Variants in M1AP observed in about 807,000 individuals in gnomAD.
M1AP encodes the protein meiosis 1 associated protein, also known as meiosis 1 arrest protein.
A neutral mutation model predicts 51.2 loss-of-function variants in M1AP; 39 were observed. That is an observed-to-expected ratio of 0.76 (90% CI 0.59 to 1.00). The LOEUF is 1.00. Ranked by LOEUF, M1AP falls within the 50% of genes least tolerant of loss-of-function variation. M1AP has a pLI of 0.00. For missense variants in M1AP, 545 were observed against 641.2 expected, an observed-to-expected ratio of 0.85 and a Z score of 1.62; for synonymous variants, 251 against 249.2, an observed-to-expected ratio of 1.01 and a Z score of -0.07.
chr2:74,559,550 C>T lies in M1AP; in HGVS notation c.1434+148G>A, dbSNP rs983289389. The T allele has an allele frequency of 6.7e-5, 41 of 612,926 alleles. 1 individual carries two copies. The highest frequency in any genetic ancestry group is 1.0e-4 in the Non-Finnish European group (34 of 334,284). The allele number at this position is 612,926 out of a possible 1,614,324, so 38.0% of individuals were successfully genotyped here. On this transcript the variant is annotated intron_variant, in intron 10 of 10. Coordinates refer to ENST00000421985, the MANE Select transcript of M1AP (RefSeq NM_001321739.2). ...GGAAGCCCAAATATTATATAGAACA[C>T]GGGTTTCATAAAAATATTTCTCTAT...
chr2:74,568,534 C>A (rs1436282521), intron 7 of M1AP, among the ~76,000 whole-genome samples: 3 of 152,164 alleles, frequency 2.0e-5, no homozygotes, highest in Non-Finnish European at 4.4e-5. Context: ...AGACTTCCAC[C>A]TGTGGAGGCA....
intron 5 of M1AP, among the ~76,000 whole-genome samples, chr2:74,577,705 C>T (rs1679160208): frequency 6.6e-6 from 1 of 152,212 alleles, no homozygotes; most frequent in South Asian, 2.1e-4. Flanking sequence ...CTCAGCCTGA[C>T]ATGTCCCAGA....
intron 2 of M1AP, among the ~76,000 whole-genome samples, chr2:74,616,099 C>T (rs1681651914): frequency 6.6e-6 from 1 of 152,084 alleles, no homozygotes; most frequent in African/African-American, 2.4e-5. Flanking sequence ...CAAGGAATTG[C>T]ATATAATTCT....
chr2:74,574,434 G>C (rs946343569), intron 7 of M1AP, among the ~76,000 whole-genome samples: 3 of 152,102 alleles, frequency 2.0e-5, no homozygotes, highest in African/African-American at 7.2e-5. Flanking sequence ...GCCAAGAAGC[G>C]ATTCTAAAAT....
intron 2 of M1AP, among the ~76,000 whole-genome samples, chr2:74,625,821 C>A (rs551159748): frequency 1.3e-5 from 2 of 152,340 alleles, no homozygotes; most frequent in East Asian, 1.9e-4. Context: ...ATGATTCAGG[C>A]CTCCTGCCTG....
intron 7 of M1AP, 117 bp from the exon 8 acceptor site, chr2:74,562,540 T>A: frequency 9.3e-7 from 1 of 1,076,602 alleles, no homozygotes; most frequent in Non-Finnish European, 1.3e-6. Context: ...CAGAGCCATT[T>A]AACTTCGGCC....
Position 74,558,818 on chromosome 2 carries a change from A to G in M1AP, c.1491T>C (p.Thr497=). 2 of 1,609,094 alleles carry G rather than the reference A, an allele frequency of 1.2e-6. No individual in the cohort carries two copies. Among genetic ancestry groups the G allele is most frequent in the Non-Finnish European group, 1.7e-6 (2 of 1,178,038 alleles). The change falls in exon 11 of 11, where the codon ACT becomes ACC. Residue 497 remains threonine (T), a synonymous_variant. Transcript: ENST00000421985. The part of the protein sequence containing the change: ...ARATVAPLPM[T]PVPGRASKMP... ...TCTTGGAGGCTCTGCCTGGGACAGGAGTCATAGGCAGGGGGGCCACAGTAG... is the reference window on the plus strand; with the variant it reads ...TCTTGGAGGCTCTGCCTGGGACAGGGGTCATAGGCAGGGGGGCCACAGTAG...
chr2:74,590,880 G>T (rs978879741), intron 4 of M1AP, among the ~76,000 whole-genome samples: 3 of 152,120 alleles, frequency 2.0e-5, no homozygotes, highest in African/African-American at 7.2e-5. Flanking sequence ...CAGCACTAGC[G>T]CAGTGTTTAC....
chr2:74,647,822 A>G (rs1683695915), intron 1 of M1AP, among the ~76,000 whole-genome samples: 1 of 152,166 alleles, frequency 6.6e-6, no homozygotes, highest in South Asian at 2.1e-4. Context: ...TGAACCCGGG[A>G]GGCGGAGGTT....
At chr2:74,638,199 C>G (rs1168895289) in intron 2 of M1AP, among the ~76,000 whole-genome samples, 1 of 151,984 alleles carries the variant, frequency 6.6e-6, no homozygotes, top group Non-Finnish European at 1.5e-5. Context: ...GGATTACAGG[C>G]AGCCGCCATC....
chr2:74,561,962 C>T (rs1678046280), intron 8 of M1AP: 1 of 985,262 alleles, frequency 1.0e-6, no homozygotes, highest in East Asian at 1.1e-4. Context: ...TGCCAATATC[C>T]CTTTTCTCTC....
chr2:74,606,468 C>T (rs188411459), intron 4 of M1AP, among the ~76,000 whole-genome samples: 4 of 152,272 alleles, frequency 2.6e-5, no homozygotes, highest in Admixed American at 2.0e-4. Flanking sequence ...AAAAACGAGT[C>T]TGATCTATAA....
intron 4 of M1AP, among the ~76,000 whole-genome samples, chr2:74,596,939 C>A (rs1170321299): frequency 6.6e-6 from 1 of 152,100 alleles, no homozygotes; most frequent in Non-Finnish European, 1.5e-5. Context: ...GTTAAGTGGT[C>A]TTACCTGGGG....
chr2:74,566,649 C>G (rs188177611), intron 7 of M1AP, among the ~76,000 whole-genome samples: 3 of 145,428 alleles, frequency 2.1e-5, no homozygotes, highest in South Asian at 2.4e-4. Context: ...CTATCCCCCC[C>G]ACCCGCCCAG....
intron 3 of M1AP, among the ~76,000 whole-genome samples, chr2:74,613,241 T>G (rs1046474442): frequency 6.6e-6 from 1 of 152,234 alleles, no homozygotes; most frequent in African/African-American, 2.4e-5. Context: ...TGCTTTAAAT[T>G]CTGTGGTCTG....
chr2:74,615,408 C>A, intron 2 of M1AP: 1 of 417,624 alleles, frequency 2.4e-6, no homozygotes, highest in Non-Finnish European at 4.4e-6. Context: ...TGTTTTAACT[C>A]ATTCACTCAC....
intron 4 of M1AP, among the ~76,000 whole-genome samples, chr2:74,587,052 T>C (rs1428136773): frequency 3.3e-5 from 5 of 151,876 alleles, no homozygotes; most frequent in Non-Finnish European, 7.4e-5. Flanking sequence ...CGAAGTGGAA[T>C]AGTACAACAT....
At chr2:74,590,469 C>T (rs992076101) in intron 4 of M1AP, among the ~76,000 whole-genome samples, 1 of 152,224 alleles carries the variant, frequency 6.6e-6, no homozygotes, top group South Asian at 2.1e-4. Flanking sequence ...AACATTCAGA[C>T]CATAGCAGAC....
At chr2:74,616,579 A>T (rs1219748763) in intron 2 of M1AP, among the ~76,000 whole-genome samples, 1 of 152,198 alleles carries the variant, frequency 6.6e-6, no homozygotes, top group Admixed American at 6.5e-5. Flanking sequence ...TATGCTTGGC[A>T]ACCTTTTATT....
Sources: allele counts gnomAD v4.1 joint callset (sites outside exome capture counted in the v4.1 genomes callset), GRCh38; gene constraint gnomAD v4.1.1; transcripts MANE v1.5; gene names NCBI Gene and HGNC (gene_info 2026-07-23, HGNC 2026-07-21).